The following PAPPA variants were observed in gnomAD, a reference collection of about 807,000 sequenced individuals.
PAPPA encodes the protein pappalysin-1.
Under a neutral mutation model 164.0 loss-of-function variants are expected in PAPPA, and 60 were observed. The ratio of observed to expected loss-of-function variants is 0.37; its 90% CI spans 0.30 to 0.45. The LOEUF (loss-of-function observed/expected upper bound fraction) is 0.45. PAPPA is among the 20% of genes least tolerant of loss of function. PAPPA has a pLI of 1.00. For missense variants in PAPPA, 1,782 were observed against 2,087.3 expected (o/e 0.85, Z 2.85); for synonymous variants, 875 against 814.1 (o/e 1.07, Z -1.27).
At chr9:116,267,881 CAAAAAAAAAAAAAAA>C (rs61670954) in intron 8 of PAPPA, among the ~76,000 whole-genome samples, 1 of 57,596 alleles carries the variant, frequency 1.7e-5, no homozygotes, top group Non-Finnish European at 3.3e-5. Flanking sequence ...GACTCCGTCT[CAAAAAAAAAAAAAAA>C]AAAAAAAAAA....
chr9:116,304,593 C>T (rs1356675839), intron 10 of PAPPA, among the ~76,000 whole-genome samples: 3 of 152,090 alleles, frequency 2.0e-5, no homozygotes, highest in Admixed American at 6.5e-5. Context: ...AATGTTATTG[C>T]GACTAATGTG....
chr9:116,315,800 A>C (rs1337378646), intron 10 of PAPPA, among the ~76,000 whole-genome samples: 1 of 152,216 alleles, frequency 6.6e-6, no homozygotes, highest in African/African-American at 2.4e-5. Flanking sequence ...AGACAGAGAA[A>C]AAGGAAGGAC....
intron 1 of PAPPA, among the ~76,000 whole-genome samples, chr9:116,182,154 G>A (rs1210313370): frequency 6.6e-6 from 1 of 152,206 alleles, no homozygotes; most frequent in Non-Finnish European, 1.5e-5. Context: ...ATCCTGAAGA[G>A]GGAGCAATGC....
intron 20 of PAPPA, among the ~76,000 whole-genome samples, chr9:116,381,058 T>C (rs534091623): frequency 6.6e-6 from 1 of 152,362 alleles, no homozygotes. Flanking sequence ...ATCTGCTTTC[T>C]ATATTGAAAT....
intron 7 of PAPPA, among the ~76,000 whole-genome samples, chr9:116,250,124 A>G (rs1298617004): frequency 2.0e-5 from 3 of 151,998 alleles, no homozygotes; most frequent in East Asian, 3.9e-4. Context: ...GTGTAGTCCA[A>G]TGTTCTAAAG....
chr9:116,340,954 G>T (rs919579153), intron 13 of PAPPA, among the ~76,000 whole-genome samples: 1 of 152,040 alleles, frequency 6.6e-6, no homozygotes, highest in Non-Finnish European at 1.5e-5. Context: ...TTCTCAAGGA[G>T]CTTCATAGTT....
intron 9 of PAPPA, among the ~76,000 whole-genome samples, chr9:116,273,835 C>T (rs1443850527): frequency 1.3e-5 from 2 of 152,134 alleles, no homozygotes; most frequent in Admixed American, 1.3e-4. Flanking sequence ...CTCCTAGATT[C>T]ATTTTATAGA....
chr9:116,233,116 G>T (rs539178005), intron 6 of PAPPA, among the ~76,000 whole-genome samples: 2 of 152,310 alleles, frequency 1.3e-5, no homozygotes, highest in Admixed American at 1.3e-4. Context: ...ATGTTAACAG[G>T]CTAGAAGGTT....
chr9:116,192,894 GACTGTAGCTACCTC>G, intron 2 of PAPPA, among the ~76,000 whole-genome samples: 1 of 152,156 alleles, frequency 6.6e-6, no homozygotes. Context: ...TGACACTGAA[GACTGTAGCTACCTC>G]ACTGAGAGAG....
At chr9:116,294,114 T>C (rs1845471853) in intron 9 of PAPPA, among the ~76,000 whole-genome samples, 1 of 152,180 alleles carries the variant, frequency 6.6e-6, no homozygotes, top group Non-Finnish European at 1.5e-5. Flanking sequence ...AATATGAGGC[T>C]GTGCTATAGG....
At position 116,271,457 on chromosome 9, in the gene PAPPA, A is replaced by G. The variant is rs570049178; in HGVS notation, c.2953+41A>G. On this transcript the variant is annotated intron_variant, in intron 9 of 21. Coordinates refer to ENST00000328252, the MANE Select transcript of PAPPA (RefSeq NM_002581.5). The surrounding 1 kb of genome is among the most constrained non-coding windows in gnomAD (Gnocchi z 4.2). ...TTCTTGTGGCCTTCATGAAGAAATG[A>G]ACGGTGCAGAATGGTTGGTCAATGA... 6.6e-6 allele frequency: 9 copies of G among 1,362,498 alleles called. No homozygotes were observed. The highest frequency in any genetic ancestry group is 1.7e-5 in the Admixed American group (1 of 59,740). 84.4% of individuals were successfully genotyped at this position (1,362,498 alleles called of 1,614,324 possible). A position where few individuals can be genotyped will look rare whatever the true frequency, so the allele number is the denominator to read the frequency against.
chr9:116,293,930 A>G (rs1429867210), intron 9 of PAPPA, among the ~76,000 whole-genome samples: 3 of 152,222 alleles, frequency 2.0e-5, no homozygotes, highest in African/African-American at 7.2e-5. Context: ...AGCCTGGGCA[A>G]CAAGAGCAAA....
rs10612680 is a variant in PAPPA, at chr9:116,186,263, T to TATATAG, written c.416-867_416-862dup. Among the ~76,000 whole-genome samples the TATATAG allele has an allele frequency of 6.4e-3, 955 of 148,948 alleles. 6 individuals are homozygous for TATATAG. Among genetic ancestry groups the TATATAG allele is most frequent in the African/African-American group, 0.015 (586 of 40,274 alleles). ...ATCTATATCTATATATCTATATAGA[T>TATATAG]ATATAGATATAGATATAGATATAGA... On this transcript the variant is annotated intron_variant, in intron 1 of 21. Coordinates refer to ENST00000328252, the MANE Select transcript of PAPPA (RefSeq NM_002581.5).
chr9:116,374,244 A>G (rs201055309), intron 19 of PAPPA, among the ~76,000 whole-genome samples: 20 of 136,602 alleles, frequency 1.5e-4, no homozygotes, highest in African/African-American at 2.5e-4. Flanking sequence ...TGATGATGGT[A>G]ATTGCAACCA....
At chr9:116,155,847 G>A (rs62574175) in intron 1 of PAPPA, among the ~76,000 whole-genome samples, 2,851 of 151,692 alleles carry the variant, frequency 0.019, 38 homozygotes, top group Non-Finnish European at 0.029. Flanking sequence ...AAAGGAGAGC[G>A]ATACAGTGAT....
intron 13 of PAPPA, 114 bp downstream of exon 13, chr9:116,335,188 T>C (rs1846046242): frequency 2.4e-6 from 2 of 839,540 alleles, no homozygotes; most frequent in Non-Finnish European, 3.8e-6. Flanking sequence ...CATTTCTCCC[T>C]TCTCCATCCA....
intron 13 of PAPPA, among the ~76,000 whole-genome samples, chr9:116,342,904 C>G (rs1846156854): frequency 1.3e-5 from 2 of 152,190 alleles, no homozygotes; most frequent in African/African-American, 4.8e-5. Flanking sequence ...TGTTTAAGAG[C>G]TATTGCAAGG....
At chr9:116,268,411 A>G (rs575739040) in intron 8 of PAPPA, among the ~76,000 whole-genome samples, 1 of 152,360 alleles carries the variant, frequency 6.6e-6, no homozygotes, top group Middle Eastern at 3.4e-3. Flanking sequence ...AGGACTCTCC[A>G]TGGAGAAAGT....
chr9:116,379,183 A>T (rs1358773858), intron 20 of PAPPA, among the ~76,000 whole-genome samples: 1 of 152,280 alleles, frequency 6.6e-6, no homozygotes, highest in Non-Finnish European at 1.5e-5. Flanking sequence ...CCTGCCAGTG[A>T]TGTTTATCAC....
Sources: allele counts gnomAD v4.1 joint callset (sites outside exome capture counted in the v4.1 genomes callset), GRCh38; gene constraint gnomAD v4.1.1; non-coding constraint Gnocchi (gnomAD v3.1); transcripts MANE v1.5; gene names NCBI Gene and HGNC (gene_info 2026-07-23, HGNC 2026-07-21).